Variants in C12orf42 observed in about 807,000 individuals in gnomAD.
The protein encoded by C12orf42 is chromosome 12 open reading frame 42, also known as uncharacterized protein C12orf42.
C12orf42 carries 25 observed loss-of-function variants against 21.6 expected under a neutral mutation model. That is an observed-to-expected ratio of 1.16 (90% confidence interval 0.84 to 1.62). The LOEUF (loss-of-function observed/expected upper bound fraction) is 1.62. Ranked by LOEUF, C12orf42 falls within the 40% of genes most tolerant of loss-of-function variation. C12orf42 has a pLI of 0.00. For missense variants in C12orf42, 483 were observed against 459.3 expected (o/e 1.05, Z -0.47); for synonymous variants, 174 against 175.0 (o/e 0.99, Z 0.05).
intron 3 of C12orf42, among the ~76,000 whole-genome samples, chr12:103,401,126 A>G (rs746077492): frequency 2.0e-5 from 3 of 152,210 alleles, no homozygotes; most frequent in Non-Finnish European, 4.4e-5. Context: ...CGTAGGGACA[A>G]ACATTCACTT....
intron 4 of C12orf42, among the ~76,000 whole-genome samples, chr12:103,321,947 G>A (rs571425309): frequency 8.6e-5 from 13 of 151,962 alleles, no homozygotes; most frequent in East Asian, 1.9e-4. Flanking sequence ...GCACACCAGC[G>A]TGGCACATGT....
intron 2 of C12orf42, among the ~76,000 whole-genome samples, chr12:103,413,657 A>G (rs545497064): frequency 7.2e-5 from 11 of 152,182 alleles, no homozygotes; most frequent in Admixed American, 1.3e-4. Flanking sequence ...TCAAGTCCCC[A>G]AAGTCCACTG....
intron 4 of C12orf42, among the ~76,000 whole-genome samples, chr12:103,280,708 T>C (rs1174434175): frequency 1.3e-5 from 2 of 152,146 alleles, no homozygotes; most frequent in Non-Finnish European, 2.9e-5. Flanking sequence ...TGAAAGCTAT[T>C]TGTTATTGAG....
chr12:103,340,898 G>T (rs2042100551), intron 4 of C12orf42, among the ~76,000 whole-genome samples: 1 of 152,064 alleles, frequency 6.6e-6, no homozygotes, highest in Non-Finnish European at 1.5e-5. Context: ...GGGATCACGA[G>T]GTCAGGAGAT....
At chr12:103,350,142 C>T (rs1370917295) in intron 4 of C12orf42, among the ~76,000 whole-genome samples, 1 of 152,148 alleles carries the variant, frequency 6.6e-6, no homozygotes, top group African/African-American at 2.4e-5. Flanking sequence ...AGAAGACCCC[C>T]TTATCTACCA....
chr12:103,062,261 G>A, the C12orf42 span, among the ~76,000 whole-genome samples: 1 of 150,528 alleles, frequency 6.6e-6, no homozygotes, highest in Non-Finnish European at 1.5e-5. Flanking sequence ...GCATTTCTGT[G>A]TTTATCTGTG....
the C12orf42 span, among the ~76,000 whole-genome samples, chr12:103,553,359 A>C: frequency 1.3e-5 from 2 of 152,138 alleles, no homozygotes; most frequent in Non-Finnish European, 2.9e-5. Flanking sequence ...AGGCTCACTT[A>C]GTTATCCGTC....
chr12:103,305,528 G>C (rs1232238804), intron 5 of C12orf42, among the ~76,000 whole-genome samples: 2 of 152,012 alleles, frequency 1.3e-5, no homozygotes, highest in Admixed American at 1.3e-4. Context: ...ATCCCTTCTG[G>C]GCCATGTCCT....
chr12:103,200,864 T>C, the C12orf42 span, among the ~76,000 whole-genome samples: 1 of 152,212 alleles, frequency 6.6e-6, no homozygotes, highest in Admixed American at 6.5e-5. Flanking sequence ...TTCATCAAAA[T>C]AGGAACAATT....
At chr12:103,154,668 T>A in the C12orf42 span, among the ~76,000 whole-genome samples, 2 of 152,164 alleles carry the variant, frequency 1.3e-5, no homozygotes, top group African/African-American at 2.4e-5. Flanking sequence ...TTCTTTCTCT[T>A]TCAACTCATT....
At chr12:103,315,153 C>T (rs1327290230) in intron 4 of C12orf42, among the ~76,000 whole-genome samples, 1 of 152,096 alleles carries the variant, frequency 6.6e-6, no homozygotes, top group Non-Finnish European at 1.5e-5. Flanking sequence ...TTTCTATTAC[C>T]TGATACATCA....
chr12:103,370,418 A>T (rs2137935000), intron 3 of C12orf42, among the ~76,000 whole-genome samples: 1 of 152,270 alleles, frequency 6.6e-6, no homozygotes, highest in East Asian at 1.9e-4. Flanking sequence ...TAACATAAAG[A>T]TACATGCACA....
chr12:103,234,773 T>C (rs2033418575), downstream of C12orf42, among the ~76,000 whole-genome samples: 1 of 152,152 alleles, frequency 6.6e-6, no homozygotes, highest in Admixed American at 6.5e-5. Flanking sequence ...TTATGAGACA[T>C]CTCAGGTTTT....
intron 4 of C12orf42, among the ~76,000 whole-genome samples, chr12:103,311,094 G>A (rs1444118294): frequency 2.0e-5 from 3 of 152,078 alleles, no homozygotes; most frequent in South Asian, 4.1e-4. Context: ...ATACCTCCAG[G>A]GAACTGGATC....
intron 3 of C12orf42, among the ~76,000 whole-genome samples, chr12:103,387,833 ATCATAC>A (rs2046741815): frequency 1.3e-5 from 2 of 152,246 alleles, no homozygotes; most frequent in African/African-American, 2.4e-5. Flanking sequence ...GCGCTCTGCC[ATCATAC>A]CTTTTCAAAG....
the C12orf42 span, among the ~76,000 whole-genome samples, chr12:103,052,766 C>T: frequency 6.6e-6 from 1 of 151,932 alleles, no homozygotes; most frequent in Non-Finnish European, 1.5e-5. Context: ...TGATATCATC[C>T]AGAGCGTTAC....
intron 2 of C12orf42, among the ~76,000 whole-genome samples, chr12:103,409,032 G>A (rs969503547): frequency 8.5e-5 from 13 of 152,216 alleles, no homozygotes; most frequent in African/African-American, 2.6e-4. Flanking sequence ...TTAGTTAACC[G>A]CATATTTCAT....
intron 4 of C12orf42, among the ~76,000 whole-genome samples, chr12:103,368,284 A>G (rs1368949916): frequency 6.8e-6 from 1 of 146,520 alleles, no homozygotes; most frequent in Admixed American, 6.8e-5. Context: ...CTCTCTCTTT[A>G]TCTGCCTTTC....
chr12:103,263,119 G>C (rs890596463), intron 10 of C12orf42, among the ~76,000 whole-genome samples: 1 of 151,970 alleles, frequency 6.6e-6, no homozygotes, highest in Non-Finnish European at 1.5e-5. Context: ...ACTTGGACAC[G>C]GTGGGGGAAT....
Sources: allele counts gnomAD v4.1 joint callset (sites outside exome capture counted in the v4.1 genomes callset), GRCh38; gene constraint gnomAD v4.1.1; transcripts MANE v1.5; gene names NCBI Gene and HGNC (gene_info 2026-07-23, HGNC 2026-07-21).